CRACDL: variants seen among roughly 807,000 people sequenced by gnomAD.
The protein encoded by CRACDL is CRACD-like protein.
CRACDL carries 26 observed loss-of-function variants against 70.6 expected under a neutral mutation model. The observed-to-expected ratio is 0.37, with a 90% CI of 0.27 to 0.51. CRACDL has a LOEUF of 0.51. Ranked by LOEUF, CRACDL falls within the 20% of genes least tolerant of loss-of-function variation. CRACDL has a pLI of 0.94. For synonymous variants in CRACDL, 618 were observed against 615.2 expected, an observed-to-expected ratio of 1.00 and a Z score of -0.07; for missense variants, 1,283 against 1,376.9, an observed-to-expected ratio of 0.93 and a Z score of 1.08.
chr2:98,810,538 C>T (rs1003589019), intron 7 of CRACDL, among the ~76,000 whole-genome samples: 2 of 152,194 alleles, frequency 1.3e-5, no homozygotes, highest in African/African-American at 4.8e-5. Flanking sequence ...GATAAAGACG[C>T]TGCACATTAG....
intron 1 of CRACDL, among the ~76,000 whole-genome samples, chr2:98,932,503 A>C (rs1008811424): frequency 4.6e-5 from 7 of 152,168 alleles, no homozygotes; most frequent in Non-Finnish European, 8.8e-5. Context: ...TGCCAAGCAC[A>C]CAGGGGGTTG....
chr2:98,797,586 G>T, intron 7 of CRACDL, 49 bp from the exon 8 acceptor site: 3 of 1,568,314 alleles, frequency 1.9e-6, no homozygotes, highest in South Asian at 1.1e-5. Flanking sequence ...TTCCCTCTTC[G>T]GTTGCACCCT....
At chr2:98,806,411 T>A (rs1704294319) in intron 7 of CRACDL, among the ~76,000 whole-genome samples, 1 of 152,264 alleles carries the variant, frequency 6.6e-6, no homozygotes, top group African/African-American at 2.4e-5. Flanking sequence ...TTTCCTGACT[T>A]CTGGGACAGC....
In CRACDL at chr2:98,799,275, C is replaced by T. The variant is rs117361628; in HGVS notation, c.2417-1738G>A. Reference sequence around the variant, plus strand: ...TGTGCAGAGGATATTACTCACTTTGCCTTTGTTTCTGCTTCCAGTTCAGGC... The same window carrying T: ...TGTGCAGAGGATATTACTCACTTTGTCTTTGTTTCTGCTTCCAGTTCAGGC... On this transcript the variant is annotated intron_variant, in intron 7 of 9. Coordinates refer to ENST00000397899, the MANE Select transcript of CRACDL (RefSeq NM_207362.3). Among the ~76,000 whole-genome samples the T allele has an allele frequency of 5.3e-5, 8 of 152,272 alleles. No individual in the cohort carries two copies. The East Asian group carries it at 1.5e-3, about 29-fold the overall frequency.
intron 7 of CRACDL, among the ~76,000 whole-genome samples, chr2:98,801,584 G>C (rs896481041): frequency 5.9e-5 from 9 of 152,212 alleles, no homozygotes; most frequent in African/African-American, 2.2e-4. Context: ...CATAATCCAC[G>C]ACCTATGCCT....
Position 98,823,564 on chromosome 2 carries a change from C to A in CRACDL, c.736-27G>T. The stretch of plus-strand genomic sequence containing the variant: ...TGAGAGAAATAAAGATAAAAAGCAT[C>A]GTCGCTATAGCCAATTCCAGGAAGC... On this transcript the variant is annotated intron_variant, in intron 6 of 9. Transcript: ENST00000397899. The surrounding 1 kb of genome is among the most constrained non-coding windows in gnomAD (Gnocchi z 4.0). 2 of 1,541,862 alleles carry A rather than the reference C, an allele frequency of 1.3e-6. No individual in the cohort carries two copies. Among genetic ancestry groups the A allele is most frequent in the Non-Finnish European group, 1.7e-6 (2 of 1,150,394 alleles).
At chr2:98,850,877 C>A (rs935892288) in intron 1 of CRACDL, among the ~76,000 whole-genome samples, 25 of 152,192 alleles carry the variant, frequency 1.6e-4, no homozygotes, top group African/African-American at 6.0e-4. Context: ...AGAGTTCTAT[C>A]ATTAGTCTCA....
chr2:98,849,614 T>C (rs1176022136), intron 1 of CRACDL, among the ~76,000 whole-genome samples: 2 of 151,936 alleles, frequency 1.3e-5, no homozygotes, highest in Non-Finnish European at 2.9e-5. Context: ...CTCACCTGTG[T>C]AGGTCCTTCC....
chr2:98,827,000 G>T lies in CRACDL; in HGVS notation c.710C>A (p.Ser237Ter). 6.2e-7 allele frequency: 1 copy of T among 1,613,648 alleles called. No homozygotes were observed. The highest frequency in any genetic ancestry group is 8.5e-7 in the Non-Finnish European group (1 of 1,179,798). ...CGATGAGAGCCGCCTCATCTTACTCGACCGCTGGTTGCGGGGCTTGACCTG... is the reference window on the plus strand; with the variant it reads ...CGATGAGAGCCGCCTCATCTTACTCTACCGCTGGTTGCGGGGCTTGACCTG... ...KLQVKPRNQRSSKMRRLSSRA... is the reference protein window; with the variant it reads ...KLQVKPRNQR The change falls in exon 6 of 10, where the codon TCG (serine) becomes TAG (stop). Residue 237 changes from serine to a stop codon, truncating the protein, a stop_gained. Coordinates refer to ENST00000397899, the MANE Select transcript of CRACDL (RefSeq NM_207362.3). LOFTEE classifies it high-confidence loss of function.
chr2:98,926,126 C>A (rs1486936784), intron 1 of CRACDL, among the ~76,000 whole-genome samples: 3 of 152,160 alleles, frequency 2.0e-5, no homozygotes, highest in Non-Finnish European at 4.4e-5. Flanking sequence ...ACACTTACCC[C>A]TCAAAATTGA....
rs1452190051 is a variant in CRACDL, at chr2:98,822,540, G to A, written c.1733C>T (p.Ser578Leu). Residue 578 changes from serine to leucine, a missense_variant, in exon 7 of 10, where the codon TCG (serine) becomes TTG (leucine). Around this residue, in one of 2 missense-constraint regions of CRACDL, gnomAD observed 921 missense variants for 881.9 expected, o/e 1.04. Transcript: ENST00000397899. This position sits in a 1 kb window ranked among gnomAD's most constrained non-coding sequence, Gnocchi z 4.9. ...LRGAKKFSVS[S>L]CRARPRPGVS... ...GCCCGGACGAGGCCGCGCTCGGCAC[G>A]AGGACACCGAGAACTTCTTCGCGCC... 4 of 1,466,678 alleles carry A rather than the reference G, an allele frequency of 2.7e-6. No individual in the cohort carries two copies. The highest frequency in any genetic ancestry group is 3.6e-6 in the Non-Finnish European group (4 of 1,117,044). The allele number at this position is 1,466,678 out of a possible 1,614,324, so 90.9% of individuals were successfully genotyped here.
chr2:98,873,742 A>G (rs1337210026), intron 1 of CRACDL, among the ~76,000 whole-genome samples: 1 of 152,256 alleles, frequency 6.6e-6, no homozygotes, highest in Non-Finnish European at 1.5e-5. Context: ...GTGGTGGCTC[A>G]TGCCTGGAAT....
chr2:98,854,585 A>G (rs1012924713), intron 1 of CRACDL, among the ~76,000 whole-genome samples: 1 of 152,162 alleles, frequency 6.6e-6, no homozygotes, highest in Non-Finnish European at 1.5e-5. Flanking sequence ...TACAAAAATA[A>G]AACCACTTGT....
chr2:98,810,341 G>C (rs911878227), intron 7 of CRACDL, among the ~76,000 whole-genome samples: 1 of 152,266 alleles, frequency 6.6e-6, no homozygotes, highest in Admixed American at 6.5e-5. Flanking sequence ...AATCTAAAAA[G>C]CCTTAAATGC....
At chr2:98,879,448 C>G (rs1707576837) in intron 1 of CRACDL, among the ~76,000 whole-genome samples, 1 of 152,190 alleles carries the variant, frequency 6.6e-6, no homozygotes, top group African/African-American at 2.4e-5. Context: ...AATTCTGAGA[C>G]ATGCATTTAG....
intron 1 of CRACDL, among the ~76,000 whole-genome samples, chr2:98,859,120 C>A (rs553494389): frequency 2.0e-5 from 3 of 152,180 alleles, no homozygotes; most frequent in African/African-American, 4.8e-5. Flanking sequence ...ACAGGTGACA[C>A]TTTCCAGCTC....
rs61614119 is a variant in CRACDL, at chr2:98,910,521, A to AAAATAAATAAATAAAT, written c.-11+25401_-11+25416dup. Among the ~76,000 whole-genome samples the AAAATAAATAAATAAAT allele has an allele frequency of 3.6e-4, 50 of 140,822 alleles. 1 individual carries two copies. The highest frequency in any genetic ancestry group is 7.1e-3 in the Middle Eastern group (2 of 280). 92.4% of individuals were successfully genotyped at this position (140,822 alleles called of 152,430 possible). A position where few individuals can be genotyped will look rare whatever the true frequency, so the allele number is the denominator to read the frequency against. On this transcript the variant is annotated intron_variant, in intron 1 of 9. Transcript: ENST00000397899. ...GGGCAACACAGCAAGACTCTGTCTC[A>AAAATAAATAAATAAAT]AAATAAATAAATAAATAAATAAATA...
rs1007279331 is a variant in CRACDL at position 98,822,771 on chromosome 2, C to T, written c.1502G>A (p.Arg501Gln). The T allele has an allele frequency of 1.6e-6, 2 of 1,285,636 alleles. No homozygotes were observed. The highest frequency in any genetic ancestry group is 2.0e-6 in the Non-Finnish European group (2 of 1,020,542). 79.6% of individuals were successfully genotyped at this position (1,285,636 alleles called of 1,614,324 possible). A position where few individuals can be genotyped will look rare whatever the true frequency, so the allele number is the denominator to read the frequency against. Residue 501 changes from arginine (R) to glutamine (Q), a missense_variant, in exon 7 of 10, where the codon CGG (arginine) becomes CAG (glutamine). By Grantham distance (43) the Arg-to-Gln change is conservative. This residue lies in a region of CRACDL where 921 missense variants were observed against 881.9 expected (regional missense o/e 1.04). Coordinates refer to ENST00000397899, the MANE Select transcript of CRACDL (RefSeq NM_207362.3). This position sits in a 1 kb window ranked among gnomAD's most constrained non-coding sequence, Gnocchi z 4.9. ...GGGGCCCTCGCTGGCGGCCGCGGGC[C>T]GGTGTTTCAGGCAGCTCTTGGGCGC... ...PPAPKSCLKH[R>Q]PAAASEGPAA...
intron 1 of CRACDL, among the ~76,000 whole-genome samples, chr2:98,930,971 A>AC (rs1264326669): frequency 2.0e-5 from 3 of 149,900 alleles, no homozygotes; most frequent in Non-Finnish European, 3.0e-5. Context: ...TGTGTCTACC[A>AC]CCCCCCCACC....
Sources: allele counts gnomAD v4.1 joint callset (sites outside exome capture counted in the v4.1 genomes callset), GRCh38; gene constraint gnomAD v4.1.1; regional missense constraint gnomAD v4.1.1; non-coding constraint Gnocchi (gnomAD v3.1); transcripts MANE v1.5; gene names NCBI Gene and HGNC (gene_info 2026-07-23, HGNC 2026-07-21).